CADM2: variants seen among roughly 807,000 people sequenced by gnomAD.
CADM2 encodes the protein immunoglobulin superfamily member 4D.
CADM2 carries 12 observed loss-of-function variants against 49.8 expected under a neutral mutation model. The ratio of observed to expected loss-of-function variants is 0.24; its 90% CI spans 0.15 to 0.39. The LOEUF (loss-of-function observed/expected upper bound fraction) is 0.39, where lower values mean the gene tolerates loss of function less well. Ranked by LOEUF, CADM2 falls within the 10% of genes least tolerant of loss-of-function variation. The probability of loss-of-function intolerance (pLI) is 1.00; values close to 1 mark genes in which losing one functional copy is unlikely to be tolerated. For synonymous variants in CADM2, 214 were observed against 175.4 expected, an observed-to-expected ratio of 1.22 and a Z score of -1.74; for missense variants, 378 against 492.3, an observed-to-expected ratio of 0.77 and a Z score of 2.20.
chr3:85,715,600 CA>C (rs1444065134), intron 1 of CADM2, among the ~76,000 whole-genome samples: 1 of 152,126 alleles, frequency 6.6e-6, no homozygotes, highest in Non-Finnish European at 1.5e-5. Flanking sequence ...TGGTTTGCTT[CA>C]CCCATCAATC....
intron 1 of CADM2, among the ~76,000 whole-genome samples, chr3:85,693,105 C>T (rs753292144): frequency 1.3e-4 from 20 of 151,840 alleles, no homozygotes; most frequent in Non-Finnish European, 2.5e-4. Flanking sequence ...AAAAATTAGC[C>T]GGGCGTGGTG....
intron 1 of CADM2, among the ~76,000 whole-genome samples, chr3:85,185,061 G>A (rs1559708778): frequency 6.6e-6 from 1 of 152,076 alleles, no homozygotes; most frequent in Non-Finnish European, 1.5e-5. Context: ...CTCCAAGATA[G>A]ATGACAGATA....
chr3:85,441,083 A>G (rs1365702402), intron 1 of CADM2, among the ~76,000 whole-genome samples: 1 of 152,086 alleles, frequency 6.6e-6, no homozygotes, highest in Non-Finnish European at 1.5e-5. Context: ...ACATAAACAC[A>G]TAACCATAAT....
chr3:85,531,814 C>T (rs1362037445), intron 1 of CADM2, among the ~76,000 whole-genome samples: 2 of 152,122 alleles, frequency 1.3e-5, no homozygotes, highest in Non-Finnish European at 2.9e-5. Flanking sequence ...ATAAATCCAT[C>T]CTCTAATTGC....
At chr3:85,442,398 C>A (rs1045362216) in intron 1 of CADM2, among the ~76,000 whole-genome samples, 1 of 151,564 alleles carries the variant, frequency 6.6e-6, no homozygotes, top group Non-Finnish European at 1.5e-5. Flanking sequence ...TACAGACTAT[C>A]AAAAATCCTG....
rs1261649155 is a variant in CADM2, at chr3:85,897,339, G to A, written c.529+11012G>A. On this transcript the variant is annotated intron_variant, in intron 5 of 9. Coordinates refer to ENST00000383699, the MANE Select transcript of CADM2 (RefSeq NM_001167675.2). The stretch of plus-strand genomic sequence containing the variant: ...CTGCGGACTGCAGTGGCGCAATCTC[G>A]GCTCACTGCAAGCTCCGCTTCCCGG... Among the ~76,000 whole-genome samples the A allele has an allele frequency of 7.9e-5, 10 of 127,376 alleles. No homozygotes were observed. The East Asian group carries it at 1.5e-3, about 19-fold the overall frequency. The allele number at this position is 127,376 out of a possible 152,430, so 83.6% of individuals were successfully genotyped here. A position where few individuals can be genotyped will look rare whatever the true frequency, so the allele number is the denominator to read the frequency against.
intron 1 of CADM2, among the ~76,000 whole-genome samples, chr3:85,405,837 T>G (rs527985377): frequency 6.6e-6 from 1 of 151,982 alleles, no homozygotes; most frequent in Non-Finnish European, 1.5e-5. Flanking sequence ...TCTACATTCC[T>G]GACTTCCAAT....
At chr3:85,377,361 A>T (rs1418034903) in intron 1 of CADM2, among the ~76,000 whole-genome samples, 1 of 152,036 alleles carries the variant, frequency 6.6e-6, no homozygotes, top group Non-Finnish European at 1.5e-5. Context: ...GCTGGGAAGG[A>T]CCTTCTGTGG....
At chr3:85,541,584 TG>T in intron 1 of CADM2, among the ~76,000 whole-genome samples, 1 of 150,318 alleles carries the variant, frequency 6.7e-6, no homozygotes, top group Non-Finnish European at 1.5e-5. Context: ...GTTCAAATCT[TG>T]GGTCCACTCA....
chr3:85,155,323 A>G (rs1488364973), intron 1 of CADM2, among the ~76,000 whole-genome samples: 1 of 150,122 alleles, frequency 6.7e-6, no homozygotes, highest in Non-Finnish European at 1.5e-5. Context: ...TAAACCAACA[A>G]AGATCAAAAG....
intron 1 of CADM2, among the ~76,000 whole-genome samples, chr3:84,993,582 G>C (rs2033013003): frequency 6.6e-6 from 1 of 152,152 alleles, no homozygotes; most frequent in Non-Finnish European, 1.5e-5. Flanking sequence ...TTAGCAGAAA[G>C]TCAAAAGGGT....
chr3:85,550,357 T>G (rs2061771346), intron 1 of CADM2, among the ~76,000 whole-genome samples: 1 of 152,182 alleles, frequency 6.6e-6, no homozygotes, highest in South Asian at 2.1e-4. Context: ...TTATGTCCAT[T>G]TTCTATTGAT....
rs899315404 is a variant in CADM2 at position 85,879,671 on chromosome 3, ATT to A, written c.239-3614_239-3613del. On this transcript the variant is annotated intron_variant, in intron 3 of 9. Transcript: ENST00000383699. ...AATGTGCATTAAAATTTTTTAATCA[ATT>A]TTTTTGTAGATTTATATGCAGTTGT... Among the ~76,000 whole-genome samples the A allele has an allele frequency of 2.0e-5, 3 of 151,996 alleles. No individual in the cohort carries two copies. In the East Asian group the frequency reaches 5.8e-4, roughly 29 times the overall value.
intron 1 of CADM2, among the ~76,000 whole-genome samples, chr3:85,168,350 C>G (rs555231569): frequency 6.6e-6 from 1 of 152,166 alleles, no homozygotes; most frequent in South Asian, 2.1e-4. Context: ...CTACCATGCC[C>G]GGCCCCTTAA....
At chr3:86,001,777 A>G (rs544663471) in intron 8 of CADM2, among the ~76,000 whole-genome samples, 6 of 152,290 alleles carry the variant, frequency 3.9e-5, no homozygotes, top group African/African-American at 1.4e-4. Context: ...TGAAATTAAG[A>G]AAGGTTTTTA....
At chr3:85,863,663 C>A (rs892042864) in intron 3 of CADM2, among the ~76,000 whole-genome samples, 1 of 152,166 alleles carries the variant, frequency 6.6e-6, no homozygotes, top group Non-Finnish European at 1.5e-5. Flanking sequence ...CCAAATACAT[C>A]ATTTTCTCTA....
At chr3:85,470,921 T>C (rs1043429538) in intron 1 of CADM2, among the ~76,000 whole-genome samples, 1 of 152,166 alleles carries the variant, frequency 6.6e-6, no homozygotes, top group Non-Finnish European at 1.5e-5. Context: ...AAAATATATT[T>C]TGTTTTGTGA....
At chr3:85,969,973 GTA>G (rs78339917) in intron 8 of CADM2, among the ~76,000 whole-genome samples, 100 of 63,800 alleles carry the variant, frequency 1.6e-3, no homozygotes, top group Middle Eastern at 7.5e-3. Context: ...GTGTGTGAGT[GTA>G]TATATATATA....
In CADM2 at chr3:85,668,831, T is replaced by C. The variant is rs142498714; in HGVS notation, c.62-57691T>C. Among the ~76,000 whole-genome samples the C allele has an allele frequency of 9.9e-5, 15 of 152,272 alleles. 2 individuals are homozygous for C. In the East Asian group the frequency reaches 2.9e-3, roughly 29 times the overall value. On this transcript the variant is annotated intron_variant, in intron 1 of 9. Coordinates refer to ENST00000383699, the MANE Select transcript of CADM2 (RefSeq NM_001167675.2). ...TATTTGAGTGTAAATGCTCATGACA[T>C]GTAGTTTATAAACTTTTGATTATGT...
Sources: allele counts gnomAD v4.1 joint callset (sites outside exome capture counted in the v4.1 genomes callset), GRCh38; gene constraint gnomAD v4.1.1; transcripts MANE v1.5; gene names NCBI Gene and HGNC (gene_info 2026-07-23, HGNC 2026-07-21).